ANP32A: variants seen among roughly 807,000 people sequenced by gnomAD.
ANP32A encodes acidic nuclear phosphoprotein 32 family member A.
Under a neutral mutation model 33.9 loss-of-function variants are expected in ANP32A, and 1 was observed. That is an observed-to-expected ratio of 0.03 (90% CI 0.01 to 0.14). The LOEUF is 0.14. Among genes scored for constraint, ANP32A ranks in the 10% least tolerant of loss-of-function variants. The probability of loss-of-function intolerance (pLI) is 1.00; values close to 1 mark genes in which losing one functional copy is unlikely to be tolerated. For missense variants in ANP32A, 155 were observed against 306.0 expected (o/e 0.51, Z 3.68); for synonymous variants, 115 against 120.5 (o/e 0.95, Z 0.30).
At chr15:68,782,851 C>T in intron 5 of ANP32A, 105 bp downstream of exon 5, 1 of 1,498,384 alleles carries the variant, frequency 6.7e-7, no homozygotes, top group Non-Finnish European at 8.9e-7. Flanking sequence ...CGGGGAGCGA[C>T]TTTCCTAACC....
intron 3 of ANP32A, among the ~76,000 whole-genome samples, chr15:68,785,264 T>C (rs1434336215): frequency 6.6e-6 from 1 of 152,172 alleles, no homozygotes; most frequent in Non-Finnish European, 1.5e-5. Flanking sequence ...TCCATGGTAT[T>C]TGACACGATG....
chr15:68,800,299 C>T (rs552893422), intron 1 of ANP32A, among the ~76,000 whole-genome samples: 1 of 152,090 alleles, frequency 6.6e-6, no homozygotes, highest in African/African-American at 2.4e-5. Flanking sequence ...CATGCCATGC[C>T]AGGTACTATG....
intron 1 of ANP32A, chr15:68,791,117 G>C (rs1893992633): frequency 6.6e-6 from 1 of 152,262 alleles, no homozygotes; most frequent in Non-Finnish European, 1.5e-5. Flanking sequence ...CCATATCTAG[G>C]AGGAAGGAAT....
At chr15:68,810,622 G>C (rs1386189191) in intron 1 of ANP32A, among the ~76,000 whole-genome samples, 1 of 152,166 alleles carries the variant, frequency 6.6e-6, no homozygotes, top group Admixed American at 6.5e-5. Context: ...GAGAATACAG[G>C]ATAAGAATGC....
At chr15:68,789,285 T>G (rs986942997) in intron 1 of ANP32A, 1 of 152,790 alleles carries the variant, frequency 6.5e-6, no homozygotes, top group East Asian at 1.9e-4. Context: ...GGAACTTCCA[T>G]GCACAGGCCC....
intron 1 of ANP32A, among the ~76,000 whole-genome samples, chr15:68,788,355 C>T (rs1893959757): frequency 6.6e-6 from 1 of 151,996 alleles, no homozygotes; most frequent in African/African-American, 2.4e-5. Context: ...CCCACAAGAC[C>T]CCCACATGCC....
At chr15:68,783,086 C>A (rs576336010) in intron 4 of ANP32A, 33 bp from the exon 5 acceptor site, 1 of 1,551,284 alleles carries the variant, frequency 6.4e-7, no homozygotes, top group African/African-American at 1.4e-5. Context: ...GGAAACAGAA[C>A]TAGTGGTGAG....
intron 1 of ANP32A, among the ~76,000 whole-genome samples, chr15:68,818,828 C>T (rs987040402): frequency 1.3e-5 from 2 of 152,014 alleles, no homozygotes; most frequent in African/African-American, 4.8e-5. Flanking sequence ...CCCCGGCCCC[C>T]TCCCCCATCA....
rs1301874631 is a variant in ANP32A, at chr15:68,779,319, G to C, written c.*762C>G. On this transcript the variant is annotated 3_prime_UTR_variant, in exon 7 of 7. Coordinates refer to ENST00000465139, the MANE Select transcript of ANP32A (RefSeq NM_006305.4). Reference sequence around the variant, plus strand: ...TCTAATATTTTACAGAACAAGATAGGACAGTTTTTTTTTTCTTTTAAAGAA... The same window carrying C: ...TCTAATATTTTACAGAACAAGATAGCACAGTTTTTTTTTTCTTTTAAAGAA... 1.3e-5 allele frequency: 2 copies of C among 150,652 alleles called. No individual in the cohort carries two copies. Among genetic ancestry groups the C allele is most frequent in the Non-Finnish European group, 2.9e-5 (2 of 68,014 alleles). 9.3% of individuals were successfully genotyped at this position (150,652 alleles called of 1,614,324 possible).
At chr15:68,811,624 G>A (rs972219017) in intron 1 of ANP32A, among the ~76,000 whole-genome samples, 2 of 152,208 alleles carry the variant, frequency 1.3e-5, no homozygotes, top group Non-Finnish European at 2.9e-5. Context: ...GGACTGTAGT[G>A]AATTCCTAGT....
chr15:68,810,792 G>A (rs1232236210), intron 1 of ANP32A, among the ~76,000 whole-genome samples: 1 of 152,100 alleles, frequency 6.6e-6, no homozygotes, highest in Non-Finnish European at 1.5e-5. Context: ...GGGCGCAGTG[G>A]CTCACGCCTG....
At position 68,780,194 on chromosome 15, in the gene ANP32A, A is replaced by G; in HGVS notation, c.689-52T>C. On this transcript the variant is annotated intron_variant, in intron 6 of 6. Coordinates refer to ENST00000465139, the MANE Select transcript of ANP32A (RefSeq NM_006305.4). This position sits in a 1 kb window ranked among gnomAD's most constrained non-coding sequence, Gnocchi z 4.3. ...GATTAGTTATTAATCCCACCTCTTT[A>G]ACTCAACCCACCCAGTGAGAAGTCA... The G allele has an allele frequency of 6.2e-7, 1 of 1,606,894 alleles. No homozygotes were observed.
At chr15:68,812,072 T>G (rs1480843158) in intron 1 of ANP32A, among the ~76,000 whole-genome samples, 1 of 151,824 alleles carries the variant, frequency 6.6e-6, no homozygotes, top group Non-Finnish European at 1.5e-5. Flanking sequence ...AGGTATGGTA[T>G]TCTAGCTATG....
intron 5 of ANP32A, 46 bp downstream of exon 5, chr15:68,782,910 G>A: frequency 6.5e-7 from 1 of 1,549,388 alleles, no homozygotes; most frequent in Non-Finnish European, 8.7e-7. Flanking sequence ...CAGTGGGACT[G>A]CCTCAAAGGG....
intron 5 of ANP32A, 172 bp downstream of exon 5, chr15:68,782,784 G>A: frequency 8.1e-7 from 1 of 1,230,044 alleles, no homozygotes; most frequent in Non-Finnish European, 1.1e-6. Context: ...TGCAAGTCTT[G>A]TCTCCCCAGA....
chr15:68,779,478 G>C lies in ANP32A; in HGVS notation c.*603C>G, dbSNP rs767969079. 9 of 152,256 alleles carry C rather than the reference G, an allele frequency of 5.9e-5. No homozygotes were observed. The highest frequency in any genetic ancestry group is 1.2e-4 in the Non-Finnish European group (8 of 68,084). 9.4% of individuals were successfully genotyped at this position (152,256 alleles called of 1,614,324 possible). A position where few individuals can be genotyped will look rare whatever the true frequency, so the allele number is the denominator to read the frequency against. Reference sequence around the variant, plus strand: ...GAGTAACATCAGAGTCCTCTTTGTAGAGCGAAGCCCACCACCATCTGTGAA... The same window carrying C: ...GAGTAACATCAGAGTCCTCTTTGTACAGCGAAGCCCACCACCATCTGTGAA... On this transcript the variant is annotated 3_prime_UTR_variant, in exon 7 of 7. Transcript: ENST00000465139.
chr15:68,780,625 G>C lies in ANP32A; in HGVS notation c.625-152C>G. ...ATCTCGGGAGGAATGTAAAGCAGAG[G>C]TTCTTAATTTATTTCAGATCAAGGA... On this transcript the variant is annotated intron_variant, in intron 5 of 6. Transcript: ENST00000465139. This position sits in a 1 kb window ranked among gnomAD's most constrained non-coding sequence, Gnocchi z 4.3. 7.6e-7 allele frequency: 1 copy of C among 1,321,846 alleles called. No individual in the cohort carries two copies. Among genetic ancestry groups the C allele is most frequent in the Non-Finnish European group, 1.0e-6 (1 of 998,744 alleles). 81.9% of individuals were successfully genotyped at this position (1,321,846 alleles called of 1,614,324 possible).
At chr15:68,808,414 G>A (rs1196541189) in intron 1 of ANP32A, among the ~76,000 whole-genome samples, 1 of 152,214 alleles carries the variant, frequency 6.6e-6, no homozygotes, top group Non-Finnish European at 1.5e-5. Flanking sequence ...CACCACAGGA[G>A]CCAGGCACCA....
intron 1 of ANP32A, among the ~76,000 whole-genome samples, chr15:68,793,008 C>T (rs566737392): frequency 8.5e-5 from 13 of 152,292 alleles, no homozygotes; most frequent in East Asian, 1.9e-4. Context: ...CCCAATCTCT[C>T]ACTCTTACCC....
Sources: gnomAD v4.1 joint callset for allele counts (sites outside exome capture counted in the v4.1 genomes callset) on GRCh38, gnomAD v4.1.1 for gene constraint, Gnocchi (gnomAD v3.1) non-coding constraint, MANE v1.5 for transcripts, NCBI Gene and HGNC (gene_info 2026-07-23, HGNC 2026-07-21) for gene names.